The following PARD3B variants were observed in gnomAD, a reference collection of about 807,000 sequenced individuals.
PARD3B encodes partitioning defective 3 homolog B.
PARD3B carries 103 observed loss-of-function variants against 130.2 expected under a neutral mutation model. The observed-to-expected ratio is 0.79, with a 90% CI of 0.67 to 0.93. The LOEUF is 0.93. Ranked by LOEUF, PARD3B falls within the 40% of genes least tolerant of loss-of-function variation. PARD3B has a pLI of 0.00. For missense variants in PARD3B, 1,609 were observed against 1,499.2 expected, an observed-to-expected ratio of 1.07 and a Z score of -1.21; for synonymous variants, 583 against 553.2, an observed-to-expected ratio of 1.05 and a Z score of -0.76.
At chr2:204,959,101 G>C (rs117156439) in intron 2 of PARD3B, among the ~76,000 whole-genome samples, 2 of 151,944 alleles carry the variant, frequency 1.3e-5, no homozygotes, top group African/African-American at 4.8e-5. Flanking sequence ...TGCATTAGGT[G>C]TTTGTCGTGA....
At chr2:205,426,587 T>C (rs1023329020) in intron 19 of PARD3B, among the ~76,000 whole-genome samples, 3 of 152,190 alleles carry the variant, frequency 2.0e-5, no homozygotes, top group African/African-American at 7.2e-5. Context: ...GCAAACCTCC[T>C]CTTTACTCTC....
intron 10 of PARD3B, among the ~76,000 whole-genome samples, chr2:205,127,430 G>T (rs2031569712): frequency 6.6e-6 from 1 of 152,030 alleles, no homozygotes; most frequent in Non-Finnish European, 1.5e-5. Context: ...TATAAGAATT[G>T]ACAAAGGCAC....
chr2:205,087,620 AAAGTT>A (rs1322053608), intron 4 of PARD3B, among the ~76,000 whole-genome samples: 1 of 152,200 alleles, frequency 6.6e-6, no homozygotes, highest in Non-Finnish European at 1.5e-5. Flanking sequence ...TGAATGCAAT[AAAGTT>A]AAGAATTTGT....
At chr2:205,063,645 C>T (rs1700187576) in intron 4 of PARD3B, among the ~76,000 whole-genome samples, 1 of 152,140 alleles carries the variant, frequency 6.6e-6, no homozygotes, top group South Asian at 2.1e-4. Flanking sequence ...ATCCTCTTAA[C>T]ACCCCCATGA....
chr2:204,801,321 C>T (rs1452358069), intron 2 of PARD3B, among the ~76,000 whole-genome samples: 2 of 152,148 alleles, frequency 1.3e-5, no homozygotes, highest in African/African-American at 4.8e-5. Context: ...GCCATTTTCA[C>T]AGTATTGGTT....
At chr2:205,503,088 C>A (rs2050218207) in intron 21 of PARD3B, among the ~76,000 whole-genome samples, 1 of 151,404 alleles carries the variant, frequency 6.6e-6, no homozygotes, top group Non-Finnish European at 1.5e-5. Flanking sequence ...CTTCTCCTCT[C>A]CCCTGACTCC....
chr2:204,944,104 TG>T (rs1388340752), intron 2 of PARD3B, among the ~76,000 whole-genome samples: 1 of 152,094 alleles, frequency 6.6e-6, no homozygotes, highest in Non-Finnish European at 1.5e-5. Flanking sequence ...AAGAAACTGG[TG>T]GCACAAATTC....
Position 205,301,345 on chromosome 2 carries a change from A to C in PARD3B, c.2393-119A>C. On this transcript the variant is annotated intron_variant, in intron 17 of 22. Coordinates refer to ENST00000406610, the MANE Select transcript of PARD3B (RefSeq NM_001302769.2). The surrounding 1 kb of genome is among the most constrained non-coding windows in gnomAD (Gnocchi z 5.2). ...TCAAAGGGCGCACGTAACCACATAG[A>C]AGGGTAGAACTACAGAGTGCTGTTA... 6.7e-7 allele frequency: 1 copy of C among 1,490,466 alleles called. No individual in the cohort carries two copies. The highest frequency in any genetic ancestry group is 1.4e-5 in the African/African-American group (1 of 71,154). The allele number at this position is 1,490,466 out of a possible 1,614,324, so 92.3% of individuals were successfully genotyped here.
At position 205,440,644 on chromosome 2, in the gene PARD3B, C is replaced by T. The variant is rs1190071725; in HGVS notation, c.3016C>T (p.Pro1006Ser). Residue 1006 changes from proline to serine, a missense_variant, in exon 20 of 23, where the codon CCA becomes TCA. Transcript: ENST00000406610. This position sits in a 1 kb window ranked among gnomAD's most constrained non-coding sequence, Gnocchi z 4.2. ...LEGLYAKVNK[P>S]YHPLVPADSG... is the part of the protein sequence containing the mutation. ...GGGTCTCTATGCCAAGGTCAACAAG[C>T]CATACCATCCACTGGTTCCAGCTGA... 1.9e-6 allele frequency: 3 copies of T among 1,613,570 alleles called. No homozygotes were observed. The African/African-American group carries it at 4.0e-5, about 22-fold the overall frequency.
rs1001696470 is a variant in PARD3B at position 205,407,060 on chromosome 2, G to A, written c.2741+5937G>A. Among the ~76,000 whole-genome samples the A allele has an allele frequency of 5.3e-5, 8 of 152,136 alleles. No homozygotes were observed. The highest frequency in any genetic ancestry group is 6.5e-5 in the Admixed American group (1 of 15,270). On this transcript the variant is annotated intron_variant, in intron 19 of 22. Transcript: ENST00000406610. This position sits in a 1 kb window ranked among gnomAD's most constrained non-coding sequence, Gnocchi z 4.1. ...TATGAGAAATATCTAAATATCTTAA[G>A]TATGGAAGCATTTACTTTTACTTTT...
intron 20 of PARD3B, among the ~76,000 whole-genome samples, chr2:205,469,495 G>T (rs1380884672): frequency 6.6e-6 from 1 of 152,132 alleles, no homozygotes; most frequent in Non-Finnish European, 1.5e-5. Flanking sequence ...TTAGATGAAG[G>T]ACTTCTCCAG....
At chr2:204,563,387 G>T (rs2031471678) in intron 1 of PARD3B, among the ~76,000 whole-genome samples, 1 of 147,024 alleles carries the variant, frequency 6.8e-6, no homozygotes, top group East Asian at 2.2e-4. Context: ...ACATTCATAG[G>T]TATGGGTGGG....
chr2:205,199,986 TGTG>T (rs1165997892), intron 15 of PARD3B, among the ~76,000 whole-genome samples: 1 of 151,050 alleles, frequency 6.6e-6, no homozygotes, highest in Non-Finnish European at 1.5e-5. Flanking sequence ...AAAAAAAAAA[TGTG>T]GTGGTCACCA....
At chr2:204,899,672 T>C (rs2125703633) in intron 2 of PARD3B, among the ~76,000 whole-genome samples, 1 of 152,284 alleles carries the variant, frequency 6.6e-6, no homozygotes, top group African/African-American at 2.4e-5. Context: ...TACAGTAATA[T>C]AATATTCTGT....
intron 2 of PARD3B, among the ~76,000 whole-genome samples, chr2:204,729,996 CAA>C (rs746822901): frequency 0.017 from 2,046 of 122,074 alleles, 34 homozygotes; most frequent in Middle Eastern, 0.039. Context: ...CACACACACA[CAA>C]ACACACACAC....
Position 204,681,111 on chromosome 2 carries a change from C to T in PARD3B, c.121-5070C>T, listed in dbSNP as rs746164378. Among the ~76,000 whole-genome samples the T allele has an allele frequency of 8.5e-5, 13 of 152,134 alleles. No homozygotes were observed. In the South Asian group the frequency reaches 1.7e-3, roughly 19 times the overall value. On this transcript the variant is annotated intron_variant, in intron 1 of 22. Transcript: ENST00000406610. The stretch of plus-strand genomic sequence containing the variant: ...TGTATTAAAGTTATATTATTGGGTA[C>T]GTACACATTTAACATTGTTATCTTT...
In PARD3B at chr2:205,515,779, G is replaced by A. The variant is rs145967421; in HGVS notation, c.3180+15748G>A. Among the ~76,000 whole-genome samples the A allele has an allele frequency of 1.1e-3, 168 of 152,152 alleles. 2 individuals are homozygous for A. Among genetic ancestry groups the A allele is most frequent in the African/African-American group, 3.9e-3 (163 of 41,512 alleles). On this transcript the variant is annotated intron_variant, in intron 21 of 22. Coordinates refer to ENST00000406610, the MANE Select transcript of PARD3B (RefSeq NM_001302769.2). ...TACTCTGTTGATAGCTTCTTTTGCTGTGCAGAAGCTCTTAAGTTTATTTAG... is the reference window on the plus strand; with the variant it reads ...TACTCTGTTGATAGCTTCTTTTGCTATGCAGAAGCTCTTAAGTTTATTTAG...
At chr2:205,569,509 T>C (rs979430285) in intron 22 of PARD3B, among the ~76,000 whole-genome samples, 2 of 152,178 alleles carry the variant, frequency 1.3e-5, no homozygotes, top group Non-Finnish European at 2.9e-5. Context: ...TCATTTTAAG[T>C]AGTAATGTGA....
intron 2 of PARD3B, among the ~76,000 whole-genome samples, chr2:204,744,897 G>A (rs996003189): frequency 6.6e-6 from 1 of 152,102 alleles, no homozygotes; most frequent in Non-Finnish European, 1.5e-5. Flanking sequence ...GTAAAAGCAA[G>A]TGATTGATTA....
Sources: gnomAD v4.1 joint callset for allele counts (sites outside exome capture counted in the v4.1 genomes callset) on GRCh38, gnomAD v4.1.1 for gene constraint, Gnocchi (gnomAD v3.1) non-coding constraint, MANE v1.5 for transcripts, NCBI Gene and HGNC (gene_info 2026-07-23, HGNC 2026-07-21) for gene names.